The following KHDRBS3 variants were observed in gnomAD, a reference collection of about 807,000 sequenced individuals.
KHDRBS3 encodes the protein KH RNA binding domain containing, signal transduction associated 3.
KHDRBS3 carries 23 observed loss-of-function variants against 45.6 expected under a neutral mutation model. The ratio of observed to expected loss-of-function variants is 0.50; its 90% confidence interval spans 0.36 to 0.72. The LOEUF is 0.72. Among genes scored for constraint, KHDRBS3 ranks in the 30% least tolerant of loss-of-function variants. The pLI is 0.00. For synonymous variants in KHDRBS3, 162 were observed against 156.5 expected, an observed-to-expected ratio of 1.04 and a Z score of -0.26; for missense variants, 352 against 424.8, an observed-to-expected ratio of 0.83 and a Z score of 1.51.
intron 7 of KHDRBS3, among the ~76,000 whole-genome samples, chr8:135,642,741 A>G (rs1831114933): frequency 6.6e-6 from 1 of 151,942 alleles, no homozygotes; most frequent in African/African-American, 2.4e-5. Flanking sequence ...GGTGGGGCCT[A>G]TATTCTATGT....
At chr8:135,644,932 GGAATT>G in intron 7 of KHDRBS3, 122 bp from the exon 8 acceptor site, 1 of 937,388 alleles carries the variant, frequency 1.1e-6, no homozygotes, top group Non-Finnish European at 1.6e-6. Flanking sequence ...GATCTCGGTG[GGAATT>G]TCTTTGAATT....
At chr8:135,516,703 AC>A (rs1358279764) in intron 1 of KHDRBS3, among the ~76,000 whole-genome samples, 1 of 151,996 alleles carries the variant, frequency 6.6e-6, no homozygotes, top group Non-Finnish European at 1.5e-5. Flanking sequence ...GCTCTAGCCT[AC>A]TTACCCAGCT....
downstream of KHDRBS3, among the ~76,000 whole-genome samples, chr8:135,649,405 T>TA (rs1412965451): frequency 1.3e-5 from 2 of 152,232 alleles, no homozygotes; most frequent in African/African-American, 4.8e-5. Flanking sequence ...CTGAAAGTGA[T>TA]ACAATCATGT....
At chr8:135,491,445 T>C (rs1234656008) in intron 1 of KHDRBS3, among the ~76,000 whole-genome samples, 1 of 152,194 alleles carries the variant, frequency 6.6e-6, no homozygotes, top group Non-Finnish European at 1.5e-5. Context: ...CTGGAACTCA[T>C]GCATTCAGTT....
intron 6 of KHDRBS3, among the ~76,000 whole-genome samples, chr8:135,591,652 G>A (rs755311957): frequency 6.6e-5 from 10 of 152,188 alleles, no homozygotes; most frequent in Non-Finnish European, 1.0e-4. Flanking sequence ...AAATTTTGAT[G>A]ACTAGGAACA....
intron 1 of KHDRBS3, among the ~76,000 whole-genome samples, chr8:135,475,445 G>T (rs1476212578): frequency 6.6e-6 from 1 of 151,760 alleles, no homozygotes; most frequent in Non-Finnish European, 1.5e-5. Flanking sequence ...CTGAGTAACT[G>T]AGATTACAAG....
downstream of KHDRBS3, among the ~76,000 whole-genome samples, chr8:135,652,173 T>C (rs1586863943): frequency 6.6e-6 from 1 of 152,126 alleles, no homozygotes; most frequent in Non-Finnish European, 1.5e-5. Context: ...AAAATAACAG[T>C]CTATTTTATG....
chr8:135,648,737 A>C (rs1368955023), downstream of KHDRBS3: 1 of 152,174 alleles, frequency 6.6e-6, no homozygotes, highest in Non-Finnish European at 1.5e-5. Flanking sequence ...ATTAACTCCA[A>C]AGGTCAGAAA....
chr8:135,528,449 T>C (rs940006306), intron 2 of KHDRBS3, among the ~76,000 whole-genome samples: 1 of 152,224 alleles, frequency 6.6e-6, no homozygotes, highest in Non-Finnish European at 1.5e-5. Flanking sequence ...CATAGAGATA[T>C]GTTAAATGTT....
At chr8:135,643,441 G>T (rs1586852975) in intron 7 of KHDRBS3, among the ~76,000 whole-genome samples, 1 of 152,188 alleles carries the variant, frequency 6.6e-6, no homozygotes, top group South Asian at 2.1e-4. Context: ...CTCACTCAGG[G>T]ATACCAGCAA....
In KHDRBS3 at chr8:135,640,629, C is replaced by T. The variant is rs750634232; in HGVS notation, c.891-4430C>T. Among the ~76,000 whole-genome samples the T allele has an allele frequency of 3.8e-4, 58 of 152,142 alleles. 1 individual carries two copies. The highest frequency in any genetic ancestry group is 1.6e-4 in the Non-Finnish European group (11 of 68,036). On this transcript the variant is annotated intron_variant, in intron 7 of 8. Coordinates refer to ENST00000355849, the MANE Select transcript of KHDRBS3 (RefSeq NM_006558.3). ...GGAAATCCAGGAATGATGCTGAGCACGCCGGCTTCCTTTGACCCGTTGTAA... is the reference window on the plus strand; with the variant it reads ...GGAAATCCAGGAATGATGCTGAGCATGCCGGCTTCCTTTGACCCGTTGTAA...
chr8:135,491,341 C>T (rs1424937956), intron 1 of KHDRBS3, among the ~76,000 whole-genome samples: 1 of 151,880 alleles, frequency 6.6e-6, no homozygotes, highest in Admixed American at 6.6e-5. Context: ...CTTCTCCAAC[C>T]ACTGTTAGGT....
chr8:135,602,987 G>T (rs1829285678), intron 6 of KHDRBS3, among the ~76,000 whole-genome samples: 1 of 152,126 alleles, frequency 6.6e-6, no homozygotes, highest in African/African-American at 2.4e-5. Context: ...TTCACCTGCT[G>T]TTCATTCTGC....
At chr8:135,507,397 G>C (rs1824057499) in intron 1 of KHDRBS3, among the ~76,000 whole-genome samples, 1 of 152,194 alleles carries the variant, frequency 6.6e-6, no homozygotes, top group Admixed American at 6.5e-5. Context: ...CTAGGAATCT[G>C]TATATTCAGC....
intron 6 of KHDRBS3, among the ~76,000 whole-genome samples, chr8:135,606,246 A>G (rs1004890358): frequency 3.3e-5 from 5 of 151,922 alleles, no homozygotes; most frequent in African/African-American, 7.3e-5. Context: ...GGCACTGTGC[A>G]TGGTCCCGGC....
At chr8:135,476,561 T>C (rs1822298590) in intron 1 of KHDRBS3, among the ~76,000 whole-genome samples, 1 of 152,210 alleles carries the variant, frequency 6.6e-6, no homozygotes, top group South Asian at 2.1e-4. Flanking sequence ...TCATTATCCT[T>C]GCACTTGCTT....
At chr8:135,509,865 G>A (rs1307146663) in intron 1 of KHDRBS3, among the ~76,000 whole-genome samples, 1 of 151,748 alleles carries the variant, frequency 6.6e-6, no homozygotes, top group East Asian at 1.9e-4. Context: ...ATCTGGATTT[G>A]GTTCTCTGGA....
At chr8:135,523,551 T>A (rs1290713764) in intron 2 of KHDRBS3, among the ~76,000 whole-genome samples, 1 of 152,202 alleles carries the variant, frequency 6.6e-6, no homozygotes, top group Non-Finnish European at 1.5e-5. Context: ...TACCATTTGC[T>A]TAAATAGTTT....
At chr8:135,510,758 T>C (rs1176772459) in intron 1 of KHDRBS3, among the ~76,000 whole-genome samples, 2 of 152,164 alleles carry the variant, frequency 1.3e-5, no homozygotes, top group Non-Finnish European at 2.9e-5. Flanking sequence ...ATTGGTAGTC[T>C]CTAGTTCCAG....
Sources: gnomAD v4.1 joint callset for allele counts (sites outside exome capture counted in the v4.1 genomes callset) on GRCh38, gnomAD v4.1.1 for gene constraint, MANE v1.5 for transcripts, NCBI Gene and HGNC (gene_info 2026-07-23, HGNC 2026-07-21) for gene names.